ADAM23: variants seen among roughly 807,000 people sequenced by gnomAD.
ADAM23 encodes the protein disintegrin and metalloproteinase domain-containing protein 23.
Under a neutral mutation model 120.1 loss-of-function variants are expected in ADAM23, and 33 were observed. The ratio of observed to expected loss-of-function variants is 0.27; its 90% CI spans 0.21 to 0.37. The LOEUF is 0.37. Ranked by LOEUF, ADAM23 falls within the 10% of genes least tolerant of loss-of-function variation. The probability of loss-of-function intolerance (pLI) is 1.00; values close to 1 mark genes in which losing one functional copy is unlikely to be tolerated. For missense variants in ADAM23, 862 were observed against 1,058.2 expected, an observed-to-expected ratio of 0.81 and a Z score of 2.57; for synonymous variants, 367 against 375.2, an observed-to-expected ratio of 0.98 and a Z score of 0.25.
chr2:206,550,256 C>T (rs1218234000), intron 9 of ADAM23, 96 bp downstream of exon 9: 1 of 653,962 alleles, frequency 1.5e-6, no homozygotes, highest in Admixed American at 3.6e-5. Context: ...TACTTATTAA[C>T]CCCAAGATAT....
Position 206,617,735 on chromosome 2 carries a change from G to A in ADAM23, c.*108G>A. On this transcript the variant is annotated 3_prime_UTR_variant, in exon 26 of 26. Coordinates refer to ENST00000264377, the MANE Select transcript of ADAM23 (RefSeq NM_003812.4). ...AGTTTGTAAACAAAACCTTTGGGTG[G>A]TAATGACTACGGAGCTAAAGTTGGG... 6.5e-7 allele frequency: 1 copy of A among 1,544,298 alleles called. No individual in the cohort carries two copies. The highest frequency in any genetic ancestry group is 8.7e-7 in the Non-Finnish European group (1 of 1,146,280).
At chr2:206,463,866 G>A (rs1486468838) in intron 2 of ADAM23, among the ~76,000 whole-genome samples, 1 of 152,240 alleles carries the variant, frequency 6.6e-6, no homozygotes, top group Admixed American at 6.5e-5. Flanking sequence ...TCTTTCAGAG[G>A]CTACATAGAG....
At position 206,568,762 on chromosome 2, in the gene ADAM23, A is replaced by G. The variant is rs1697938126; in HGVS notation, c.1494+1440A>G. ...AGTCAAATATAGCTCATTGCTATGC[A>G]AAATGTTTAATACTTTGCAAACTGA... is the stretch of plus-strand genomic sequence containing the variant. On this transcript the variant is annotated intron_variant, in intron 15 of 25. Coordinates refer to ENST00000264377, the MANE Select transcript of ADAM23 (RefSeq NM_003812.4). Among the ~76,000 whole-genome samples, 3 of 152,356 alleles carry G rather than the reference A, an allele frequency of 2.0e-5. No homozygotes were observed. The South Asian group carries it at 6.2e-4, about 32-fold the overall frequency.
chr2:206,480,285 G>T (rs1378260075), intron 2 of ADAM23, among the ~76,000 whole-genome samples: 1 of 152,016 alleles, frequency 6.6e-6, no homozygotes, highest in Non-Finnish European at 1.5e-5. Flanking sequence ...GGGAAGGAGG[G>T]AATAGAAAGT....
At chr2:206,542,205 T>A in intron 5 of ADAM23, 71 bp downstream of exon 5, 2 of 1,454,130 alleles carry the variant, frequency 1.4e-6, no homozygotes, top group South Asian at 2.3e-5. Context: ...TATATATATT[T>A]TAGTGACTCT....
chr2:206,564,455 T>C (rs1697838662), intron 13 of ADAM23, among the ~76,000 whole-genome samples: 1 of 152,250 alleles, frequency 6.6e-6, no homozygotes, highest in African/African-American at 2.4e-5. Flanking sequence ...AATTCTCTTC[T>C]CTAACTTCGA....
chr2:206,521,732 AGCT>A (rs1167405904), intron 3 of ADAM23, among the ~76,000 whole-genome samples: 3 of 152,318 alleles, frequency 2.0e-5, no homozygotes, highest in Non-Finnish European at 4.4e-5. Flanking sequence ...AAGCCTTGAA[AGCT>A]GCTCTCACCT....
At chr2:206,472,361 G>A (rs1695677203) in intron 2 of ADAM23, among the ~76,000 whole-genome samples, 1 of 152,032 alleles carries the variant, frequency 6.6e-6, no homozygotes. Flanking sequence ...TGTAATCCCA[G>A]TACCTTGGGA....
intron 18 of ADAM23, among the ~76,000 whole-genome samples, chr2:206,574,261 C>T (rs78146326): frequency 0.075 from 11,455 of 152,164 alleles, 529 homozygotes; most frequent in Admixed American, 0.13. Flanking sequence ...CTCAACCTGG[C>T]TCAACCTGTA....
chr2:206,569,226 T>C (rs77313587), intron 15 of ADAM23, among the ~76,000 whole-genome samples: 1,586 of 152,304 alleles, frequency 0.01, 19 homozygotes, highest in Non-Finnish European at 0.017. Context: ...AGCATATGCA[T>C]AAAGATCCAT....
At chr2:206,490,448 G>A (rs1338876292) in intron 3 of ADAM23, among the ~76,000 whole-genome samples, 1 of 152,158 alleles carries the variant, frequency 6.6e-6, no homozygotes, top group Non-Finnish European at 1.5e-5. Flanking sequence ...ATTTTCAAGT[G>A]CTGTTTTGAG....
intron 3 of ADAM23, among the ~76,000 whole-genome samples, chr2:206,489,599 C>T (rs1437663904): frequency 3.9e-5 from 6 of 152,160 alleles, no homozygotes; most frequent in Non-Finnish European, 7.3e-5. Context: ...CTGTGCCAAG[C>T]CCTATGTGTA....
chr2:206,489,383 C>A (rs1309733540), intron 3 of ADAM23, among the ~76,000 whole-genome samples: 1 of 152,168 alleles, frequency 6.6e-6, no homozygotes, highest in African/African-American at 2.4e-5. Flanking sequence ...AATTTGGAGT[C>A]AAGACTTCCA....
Position 206,444,045 on chromosome 2 carries a change from C to G in ADAM23, c.179C>G (p.Ser60Cys). 1 of 1,404,262 alleles carries G rather than the reference C, an allele frequency of 7.1e-7. No individual in the cohort carries two copies. Among genetic ancestry groups the G allele is most frequent in the Non-Finnish European group, 9.3e-7 (1 of 1,076,006 alleles). The allele number at this position is 1,404,262 out of a possible 1,614,324, so 87.0% of individuals were successfully genotyped here. The change falls in exon 1 of 26, where the codon TCC (serine) becomes TGC (cysteine). Residue 60 changes from serine to cysteine, a missense_variant. By Grantham distance (112) the Ser-to-Cys change is moderately radical. Transcript: ENST00000264377. ...CTGCTGCCTCCGCTCGCCGCCTCGT[C>G]CCGGCCCCGCGCCTGGGGGGCTGCT... ...LLLLPPLAAS[S>C]RPRAWGAAAP...
chr2:206,549,597 C>T (rs1281436192), intron 8 of ADAM23, among the ~76,000 whole-genome samples: 1 of 151,878 alleles, frequency 6.6e-6, no homozygotes, highest in African/African-American at 2.4e-5. Flanking sequence ...TTTAGAATTT[C>T]ACTCGAGTGA....
chr2:206,451,590 G>T (rs552309121), intron 2 of ADAM23, among the ~76,000 whole-genome samples: 7 of 152,310 alleles, frequency 4.6e-5, no homozygotes, highest in African/African-American at 1.7e-4. Flanking sequence ...GTTCCTCTAA[G>T]AACCCAGTGA....
At chr2:206,609,784 C>A in intron 24 of ADAM23, 126 bp from the exon 25 acceptor site, 1 of 712,190 alleles carries the variant, frequency 1.4e-6, no homozygotes, top group Non-Finnish European at 2.3e-6. Context: ...TAAATAAAGG[C>A]AATTTAAATG....
chr2:206,556,933 C>T (rs553280157), intron 9 of ADAM23, among the ~76,000 whole-genome samples: 4 of 152,066 alleles, frequency 2.6e-5, no homozygotes, highest in Admixed American at 6.5e-5. Context: ...TGGGTTAAGC[C>T]GTTTGTATAA....
At chr2:206,531,038 T>A (rs1319727489) in intron 4 of ADAM23, 90 bp downstream of exon 4, 1 of 905,126 alleles carries the variant, frequency 1.1e-6, no homozygotes, top group Non-Finnish European at 1.6e-6. Flanking sequence ...GACGTCTGTC[T>A]CAGTAAAATC....
Sources: allele counts gnomAD v4.1 joint callset (sites outside exome capture counted in the v4.1 genomes callset), GRCh38; gene constraint gnomAD v4.1.1; transcripts MANE v1.5; gene names NCBI Gene and HGNC (gene_info 2026-07-23, HGNC 2026-07-21).